The following STXBP5 variants were observed in gnomAD, a reference collection of about 807,000 sequenced individuals.
STXBP5 encodes the protein syntaxin binding protein 5.
Under a neutral mutation model 152.4 loss-of-function variants are expected in STXBP5, and 50 were observed. The ratio of observed to expected loss-of-function variants is 0.33; its 90% CI spans 0.26 to 0.42. STXBP5 has a LOEUF of 0.42. Ranked by LOEUF, STXBP5 falls within the 10% of genes least tolerant of loss-of-function variation. The pLI, the probability that STXBP5 is intolerant of heterozygous loss-of-function variation, is 1.00. For synonymous variants in STXBP5, 492 were observed against 494.7 expected (o/e 0.99, Z 0.07); for missense variants, 1,167 against 1,388.6 (o/e 0.84, Z 2.54).
At chr6:147,212,247 C>G (rs9386180) in intron 2 of STXBP5, among the ~76,000 whole-genome samples, 2 of 152,288 alleles carry the variant, frequency 1.3e-5, no homozygotes, top group East Asian at 3.9e-4. Context: ...AATATGTTAA[C>G]TATTGGAGAT....
At chr6:147,258,617 T>C (rs977055920) in intron 4 of STXBP5, among the ~76,000 whole-genome samples, 4 of 152,106 alleles carry the variant, frequency 2.6e-5, no homozygotes, top group Non-Finnish European at 5.9e-5. Context: ...TATTTTTTAA[T>C]AGAGACGGGG....
At chr6:147,380,496 C>T (rs1786032853) in intron 26 of STXBP5, among the ~76,000 whole-genome samples, 1 of 147,510 alleles carries the variant, frequency 6.8e-6, no homozygotes, top group Non-Finnish European at 1.5e-5. Context: ...CTTCACACCA[C>T]ACACAAAAAT....
At chr6:147,207,050 A>G (rs1456966500) in intron 2 of STXBP5, among the ~76,000 whole-genome samples, 1 of 152,180 alleles carries the variant, frequency 6.6e-6, no homozygotes, top group East Asian at 1.9e-4. Flanking sequence ...GTCAAAAAAA[A>G]GAAAAGAAAT....
chr6:147,375,482 T>C (rs1785764169), intron 26 of STXBP5, among the ~76,000 whole-genome samples: 1 of 151,744 alleles, frequency 6.6e-6, no homozygotes. Flanking sequence ...TTAGGAGAAG[T>C]CATCTAAAAT....
chr6:147,283,605 C>A (rs1780803901), intron 8 of STXBP5, among the ~76,000 whole-genome samples: 1 of 152,160 alleles, frequency 6.6e-6, no homozygotes, highest in Non-Finnish European at 1.5e-5. Context: ...CAAGATCTGG[C>A]TTCTGAAGAG....
chr6:147,316,895 T>C (rs1782673557), intron 16 of STXBP5, among the ~76,000 whole-genome samples: 1 of 152,230 alleles, frequency 6.6e-6, no homozygotes. Context: ...CTTGCTTTTA[T>C]ACAGAGATAA....
intron 21 of STXBP5, among the ~76,000 whole-genome samples, chr6:147,345,237 T>G (rs912341554): frequency 6.6e-6 from 1 of 152,166 alleles, no homozygotes; most frequent in Non-Finnish European, 1.5e-5. Flanking sequence ...TAAACACACA[T>G]TAAATGCTGG....
At position 147,388,319 on chromosome 6, in the gene STXBP5, A is replaced by G. The variant is rs1786436029; in HGVS notation, c.*3564A>G. 1 of 151,794 alleles carries G rather than the reference A, an allele frequency of 6.6e-6. No homozygotes were observed. The highest frequency in any genetic ancestry group is 2.4e-5 in the African/African-American group (1 of 41,446). 9.4% of individuals were successfully genotyped at this position (151,794 alleles called of 1,614,324 possible). ...AGGGTTTTATATAGATTTAAAAAATAGTAAAATAATCTGCTGTATGTTTCA... is the reference window on the plus strand; with the variant it reads ...AGGGTTTTATATAGATTTAAAAAATGGTAAAATAATCTGCTGTATGTTTCA... On this transcript the variant is annotated 3_prime_UTR_variant, in exon 28 of 28. Transcript: ENST00000321680.
At chr6:147,205,460 C>G (rs904720185) in intron 1 of STXBP5, among the ~76,000 whole-genome samples, 3 of 151,480 alleles carry the variant, frequency 2.0e-5, no homozygotes, top group African/African-American at 7.3e-5. Flanking sequence ...ATGTTGTACT[C>G]ATCTTCATTC....
chr6:147,268,338 A>G (rs1779994292), intron 7 of STXBP5, among the ~76,000 whole-genome samples: 1 of 152,182 alleles, frequency 6.6e-6, no homozygotes, highest in African/African-American at 2.4e-5. Context: ...ATGGTTTCCA[A>G]TTCAGTGAGT....
intron 26 of STXBP5, among the ~76,000 whole-genome samples, chr6:147,381,868 G>A (rs1009338699): frequency 1.3e-5 from 2 of 152,088 alleles, no homozygotes; most frequent in Non-Finnish European, 2.9e-5. Flanking sequence ...TGATTGCCAA[G>A]AACTGCAAAG....
Position 147,327,157 on chromosome 6 carries a change from T to A in STXBP5, c.1961T>A (p.Met654Lys). 1 of 1,613,552 alleles carries A rather than the reference T, an allele frequency of 6.2e-7. No individual in the cohort carries two copies. Among genetic ancestry groups the A allele is most frequent in the Non-Finnish European group, 8.5e-7 (1 of 1,179,860 alleles). Reference sequence around the variant, plus strand: ...TTTGGCAATTGCAATGGCATTGCTATGGTTGACTACCTCCAGAAAGCAGTG... The same window carrying A: ...TTTGGCAATTGCAATGGCATTGCTAAGGTTGACTACCTCCAGAAAGCAGTG... ...VVFGNCNGIA[M>K]VDYLQKAVLL... The change falls in exon 18 of 28, where the codon ATG becomes AAG. Residue 654 changes from methionine to lysine, a missense_variant. This residue lies in a region of STXBP5 where 833 missense variants were observed against 986.3 expected (regional missense o/e 0.84). Transcript: ENST00000321680.
chr6:147,251,995 T>G (rs1779120549), intron 4 of STXBP5, among the ~76,000 whole-genome samples: 1 of 152,032 alleles, frequency 6.6e-6, no homozygotes, highest in South Asian at 2.1e-4. Context: ...GCCTGACTGT[T>G]AGAAGGAAAA....
chr6:147,295,187 C>A (rs1781454890), intron 9 of STXBP5, among the ~76,000 whole-genome samples: 1 of 152,134 alleles, frequency 6.6e-6, no homozygotes, highest in Admixed American at 6.5e-5. Flanking sequence ...TTTCTTTTCA[C>A]TAGTAGACTA....
chr6:147,229,335 A>G (rs1199113956), intron 2 of STXBP5, among the ~76,000 whole-genome samples: 1 of 151,954 alleles, frequency 6.6e-6, no homozygotes, highest in African/African-American at 2.4e-5. Flanking sequence ...TATCATTCAT[A>G]CAAGCTAATT....
At chr6:147,324,264 GTTTTTTTTTT>G (rs1179573055) in intron 16 of STXBP5, among the ~76,000 whole-genome samples, 4 of 57,952 alleles carry the variant, frequency 6.9e-5, no homozygotes, top group African/African-American at 3.1e-4. Context: ...TTTTTTTTTG[GTTTTTTTTTT>G]TTTTTTTTTT....
intron 23 of STXBP5, among the ~76,000 whole-genome samples, chr6:147,360,629 T>C (rs1019402533): frequency 2.0e-5 from 3 of 152,146 alleles, no homozygotes; most frequent in African/African-American, 7.2e-5. Flanking sequence ...TTAAACATTC[T>C]ACACATGGTT....
At chr6:147,356,800 A>T (rs746595449) in intron 22 of STXBP5, among the ~76,000 whole-genome samples, 2 of 152,174 alleles carry the variant, frequency 1.3e-5, no homozygotes, top group Admixed American at 6.6e-5. Context: ...AATAAAGTAC[A>T]ACTTAGAATT....
Position 147,327,457 on chromosome 6 carries a change from C to A in STXBP5, c.2080+181C>A, listed in dbSNP as rs181685775. On this transcript the variant is annotated intron_variant, in intron 18 of 27. Coordinates refer to ENST00000321680, the MANE Select transcript of STXBP5 (RefSeq NM_001127715.4). ...TTTGTTTTCTATAGTTGTGGTTTTG[C>A]TTTTTTTTTGAGACAGGGTCTCACT... Among the ~76,000 whole-genome samples the A allele has an allele frequency of 2.6e-5, 4 of 151,098 alleles. No individual in the cohort carries two copies. In the East Asian group the frequency reaches 7.8e-4, roughly 29 times the overall value.
Sources: gnomAD v4.1 joint callset for allele counts (sites outside exome capture counted in the v4.1 genomes callset) on GRCh38, gnomAD v4.1.1 for gene constraint, gnomAD v4.1.1 regional missense constraint, MANE v1.5 for transcripts, NCBI Gene and HGNC (gene_info 2026-07-23, HGNC 2026-07-21) for gene names.